Variants in IGDCC4 observed in about 807,000 individuals in gnomAD.
IGDCC4 encodes the protein immunoglobulin superfamily DCC subclass member 4, also known as likely ortholog of mouse neighbor of Punc E11.
In IGDCC4, 72 loss-of-function variants were observed where a neutral mutation model predicts 116.6. That is an observed-to-expected ratio of 0.62 (90% CI 0.51 to 0.75). The LOEUF (loss-of-function observed/expected upper bound fraction) is 0.75, where lower values mean the gene tolerates loss of function less well. Among genes scored for constraint, IGDCC4 ranks in the 30% least tolerant of loss-of-function variants. The pLI is 0.00. For synonymous variants in IGDCC4, 709 were observed against 719.9 expected (o/e 0.98, Z 0.24); for missense variants, 1,501 against 1,662.4 (o/e 0.90, Z 1.69).
At position 65,395,845 on chromosome 15, in the gene IGDCC4, G is replaced by T; in HGVS notation, c.1316C>A (p.Pro439Gln). The T allele has an allele frequency of 6.4e-7, 1 of 1,573,554 alleles. No individual in the cohort carries two copies. Residue 439 changes from proline to glutamine, a missense_variant, in exon 7 of 20, where the codon CCA (proline) becomes CAA (glutamine). This residue lies in a region of IGDCC4 where 898 missense variants were observed against 978.9 expected (regional missense o/e 0.92). Coordinates refer to ENST00000352385, the MANE Select transcript of IGDCC4 (RefSeq NM_020962.3). ...PSAPTRVTAT[P>Q]LSSSAVLVAW... Reference sequence around the variant, plus strand: ...CACCAACACAGCGGAGCTGCTCAGTGGCGTAGCAGTGACCCGCGTGGGGGC... The same window carrying T: ...CACCAACACAGCGGAGCTGCTCAGTTGCGTAGCAGTGACCCGCGTGGGGGC...
chr15:65,402,935 A>G (rs1247816893), intron 3 of IGDCC4, among the ~76,000 whole-genome samples: 1 of 152,212 alleles, frequency 6.6e-6, no homozygotes, highest in Non-Finnish European at 1.5e-5. Flanking sequence ...AGAAGGCTTA[A>G]TAACACTCCG....
intron 18 of IGDCC4, 124 bp downstream of exon 18, chr15:65,385,707 G>T: frequency 1.2e-6 from 1 of 811,144 alleles, no homozygotes; most frequent in Non-Finnish European, 2.2e-6. Flanking sequence ...AGGGAGAGAG[G>T]CCCTAGCGTC....
chr15:65,390,625 T>C (rs1165996029), intron 12 of IGDCC4, among the ~76,000 whole-genome samples: 1 of 152,146 alleles, frequency 6.6e-6, no homozygotes, highest in Non-Finnish European at 1.5e-5. Flanking sequence ...TGGTTCAAAT[T>C]CCAGCTCTGA....
At chr15:65,417,100 C>A (rs942649122) in intron 1 of IGDCC4, among the ~76,000 whole-genome samples, 2 of 152,198 alleles carry the variant, frequency 1.3e-5, no homozygotes, top group African/African-American at 4.8e-5. Flanking sequence ...AATTTCAGGG[C>A]CCAACAGATT....
Position 65,411,359 on chromosome 15 carries a change from A to T in IGDCC4, c.82T>A (p.Leu28Met). The change falls in exon 2 of 20, where the codon TTG (leucine) becomes ATG (methionine). Residue 28 changes from leucine (L) to methionine (M), a missense_variant. Coordinates refer to ENST00000352385, the MANE Select transcript of IGDCC4 (RefSeq NM_020962.3). ...AGCTCCACAGTCGTCTCCTGGGGCA[A>T]CAGCAGCTCCCCTGCATAGAGGAGG... ...CLLAARGELL[L>M]PQETTVELSC... The T allele has an allele frequency of 1.9e-6, 3 of 1,573,016 alleles. No individual in the cohort carries two copies. The highest frequency in any genetic ancestry group is 2.6e-6 in the Non-Finnish European group (3 of 1,156,826).
intron 1 of IGDCC4, among the ~76,000 whole-genome samples, chr15:65,413,434 C>A (rs981426020): frequency 1.3e-5 from 2 of 152,156 alleles, no homozygotes; most frequent in African/African-American, 4.8e-5. Context: ...AACCTACAGA[C>A]CCCAACACTG....
At position 65,402,355 on chromosome 15, in the gene IGDCC4, G is replaced by C. The variant is rs895525294; in HGVS notation, c.696C>G (p.His232Gln). 1.3e-6 allele frequency: 2 copies of C among 1,567,396 alleles called. No homozygotes were observed. Among genetic ancestry groups the C allele is most frequent in the African/African-American group, 2.7e-5 (2 of 73,866 alleles). The change falls in exon 4 of 20, where the codon CAC (histidine) becomes CAG (glutamine). Residue 232 changes from histidine to glutamine, a missense_variant. Physicochemically the swap from His to Gln is conservative, Grantham distance 24 (BLOSUM62 0). Transcript: ENST00000352385. ...FSQEALLSVA[H>Q]RGSLASTRGQ... ...CCACCCAGCCAGCCCCCTTACCTCTGTGGGCCACACTGAGTAGGGCCTCCT... is the reference window on the plus strand; with the variant it reads ...CCACCCAGCCAGCCCCCTTACCTCTCTGGGCCACACTGAGTAGGGCCTCCT...
Position 65,384,299 on chromosome 15 carries a change from G to A in IGDCC4, c.3463C>T (p.Pro1155Ser). Residue 1155 changes from proline (P) to serine (S), a missense_variant, in exon 20 of 20, where the codon CCT becomes TCT. Coordinates refer to ENST00000352385, the MANE Select transcript of IGDCC4 (RefSeq NM_020962.3). The surrounding 1 kb of genome is among the most constrained non-coding windows in gnomAD (Gnocchi z 4.9). ...GCCTCTGGAGGCAGGGGGTCCTCAG[G>A]CTCCAGGTCTTGGAGATGGAGGTCA... The part of the protein sequence containing the change: ...NPDLHLQDLE[P>S]EDPLPPEAPD... 6.2e-7 allele frequency: 1 copy of A among 1,608,008 alleles called. No homozygotes were observed. Among genetic ancestry groups the A allele is most frequent in the South Asian group, 1.1e-5 (1 of 90,328 alleles).
chr15:65,407,473 G>A (rs1446552044), intron 3 of IGDCC4, among the ~76,000 whole-genome samples: 1 of 152,040 alleles, frequency 6.6e-6, no homozygotes, highest in Non-Finnish European at 1.5e-5. Flanking sequence ...CTCCTGAGTA[G>A]CTGGGTTTAT....
chr15:65,390,160 G>A lies in IGDCC4; in HGVS notation c.2403C>T (p.Tyr801=), dbSNP rs1310136147. The change falls in exon 13 of 20, where the codon TAC becomes TAT. Residue 801 remains tyrosine (Y), a synonymous_variant. Coordinates refer to ENST00000352385, the MANE Select transcript of IGDCC4 (RefSeq NM_020962.3). Reference sequence around the variant, plus strand: ...GTAAAGGCATTAGTCCCCACCTGGTGTAATAGGTGACCAGGGAGGCATTCC... The same window carrying A: ...GTAAAGGCATTAGTCCCCACCTGGTATAATAGGTGACCAGGGAGGCATTCC... ...GLRNASLVTY[Y]TSSGEDILIG... The A allele has an allele frequency of 3.2e-6, 5 of 1,586,144 alleles. No homozygotes were observed. In the African/African-American group the frequency reaches 5.4e-5, roughly 17 times the overall value.
At chr15:65,406,068 C>T (rs909598641) in intron 3 of IGDCC4, among the ~76,000 whole-genome samples, 4 of 152,126 alleles carry the variant, frequency 2.6e-5, no homozygotes, top group South Asian at 4.1e-4. Flanking sequence ...AGGGTAGGGC[C>T]GGAGCCCATG....
Position 65,385,914 on chromosome 15 carries a change from G to A in IGDCC4, c.3097C>T (p.Pro1033Ser). 6.2e-7 allele frequency: 1 copy of A among 1,612,590 alleles called. No individual in the cohort carries two copies. The highest frequency in any genetic ancestry group is 8.5e-7 in the Non-Finnish European group (1 of 1,179,982). ...HPHPQDWSPP[P>S]SDVEDRAEVH... ...TCAGCCCTGTCCTCCACGTCTGAGG[G>A]TGGCGGGGACCAGTCCTGGGGATGG... The change falls in exon 18 of 20, where the codon CCC (proline) becomes TCC (serine). Residue 1033 changes from proline to serine, a missense_variant. Physicochemically the swap from Pro to Ser is moderately conservative, Grantham distance 74. Coordinates refer to ENST00000352385, the MANE Select transcript of IGDCC4 (RefSeq NM_020962.3).
At chr15:65,386,912 G>A (rs2091466085) in intron 16 of IGDCC4, among the ~76,000 whole-genome samples, 2 of 152,182 alleles carry the variant, frequency 1.3e-5, no homozygotes, top group Admixed American at 6.5e-5. Flanking sequence ...GGTGAAGCAC[G>A]TGTTGCCTGC....
chr15:65,402,728 G>A (rs570861287), intron 3 of IGDCC4, among the ~76,000 whole-genome samples: 13 of 152,128 alleles, frequency 8.5e-5, no homozygotes, highest in African/African-American at 2.7e-4. Flanking sequence ...TTAGCCGGGC[G>A]TAGTGGTGCA....
intron 3 of IGDCC4, among the ~76,000 whole-genome samples, chr15:65,405,309 G>GTTTT (rs56300756): frequency 0.057 from 8,108 of 142,384 alleles, 447 homozygotes; most frequent in African/African-American, 0.14. Context: ...TGTTAAGTGG[G>GTTTT]TTTTTTTTTT....
At position 65,392,121 on chromosome 15, in the gene IGDCC4, C is replaced by G. The variant is rs369993484; in HGVS notation, c.2122+13G>C. 6.4e-7 allele frequency: 1 copy of G among 1,565,348 alleles called. No homozygotes were observed. The highest frequency in any genetic ancestry group is 2.3e-5 in the East Asian group (1 of 44,208). ...CTACATCCCTCCCTCCCCCTCCCCC[C>G]AGCCCTCCTCACCTAGCTGGGTCAG... On this transcript the variant is annotated intron_variant, in intron 11 of 19. Transcript: ENST00000352385.
In IGDCC4 at chr15:65,384,919, C is replaced by T. The variant is rs1053914655; in HGVS notation, c.3342+35G>A. 7 of 1,576,286 alleles carry T rather than the reference C, an allele frequency of 4.4e-6. No individual in the cohort carries two copies. Among genetic ancestry groups the T allele is most frequent in the Admixed American group, 1.8e-5 (1 of 55,300 alleles). ...CTCTTCACAAGCACAGAGACCCTTTCCTCCTTTCCTGCCCCTTCCTTCCAG... is the reference window on the plus strand; with the variant it reads ...CTCTTCACAAGCACAGAGACCCTTTTCTCCTTTCCTGCCCCTTCCTTCCAG... On this transcript the variant is annotated intron_variant, in intron 19 of 19. Coordinates refer to ENST00000352385, the MANE Select transcript of IGDCC4 (RefSeq NM_020962.3). This position sits in a 1 kb window ranked among gnomAD's most constrained non-coding sequence, Gnocchi z 4.9.
rs941526129 is a variant in IGDCC4, at chr15:65,393,534, G to T, written c.1715-3C>A. The T allele has an allele frequency of 6.3e-7, 1 of 1,589,278 alleles. No homozygotes were observed. Among genetic ancestry groups the T allele is most frequent in the Non-Finnish European group, 8.6e-7 (1 of 1,164,308 alleles). On this transcript the variant is annotated splice_region_variant and splice_polypyrimidine_tract_variant and intron_variant, in intron 9 of 19. Transcript: ENST00000352385. This position sits in a 1 kb window ranked among gnomAD's most constrained non-coding sequence, Gnocchi z 4.6. ...CACCTCAGTAGAGAAAATCTGATCT[G>T]CAGGGACAGAAAAGGTGGGCTGCTG...
Position 65,388,877 on chromosome 15 carries a change from C to G in IGDCC4, c.2638G>C (p.Glu880Gln). Residue 880 changes from glutamate to glutamine, a missense_variant, in exon 15 of 20, where the codon GAG becomes CAG. Physicochemically the swap from Glu to Gln is conservative, Grantham distance 29 (BLOSUM62 2). This residue lies in a region of IGDCC4 where 235 missense variants were observed against 328.0 expected (regional missense o/e 0.72). Coordinates refer to ENST00000352385, the MANE Select transcript of IGDCC4 (RefSeq NM_020962.3). The part of the protein sequence containing the change: ...PPTEPNGEIV[E>Q]YLILYSSNHT... ...TTGCTGCTGTACAGGATCAGATACT[C>G]CACGATCTCCCCGTTGGGCTCTGTG... The G allele has an allele frequency of 6.2e-7, 1 of 1,614,050 alleles. No individual in the cohort carries two copies. The highest frequency in any genetic ancestry group is 1.3e-5 in the African/African-American group (1 of 75,034).
Sources: gnomAD v4.1 joint callset for allele counts (sites outside exome capture counted in the v4.1 genomes callset) on GRCh38, gnomAD v4.1.1 for gene constraint, gnomAD v4.1.1 regional missense constraint, Gnocchi (gnomAD v3.1) non-coding constraint, MANE v1.5 for transcripts, NCBI Gene and HGNC (gene_info 2026-07-23, HGNC 2026-07-21) for gene names.